The following RHBDD2 variants were observed in gnomAD, a reference collection of about 807,000 sequenced individuals.
RHBDD2 encodes the protein rhomboid domain containing 2.
A neutral mutation model predicts 21.7 loss-of-function variants in RHBDD2; 13 were observed. The observed-to-expected ratio is 0.60, with a 90% CI of 0.39 to 0.95. RHBDD2 has a LOEUF of 0.95. Ranked by LOEUF, RHBDD2 falls within the 40% of genes least tolerant of loss-of-function variation. The pLI, the probability that RHBDD2 is intolerant of heterozygous loss-of-function variation, is 0.00. For missense variants in RHBDD2, 473 were observed against 478.9 expected, an observed-to-expected ratio of 0.99 and a Z score of 0.11; for synonymous variants, 225 against 220.0, an observed-to-expected ratio of 1.02 and a Z score of -0.20.
At chr7:75,886,060 G>A (rs1805645641) in intron 3 of RHBDD2, among the ~76,000 whole-genome samples, 1 of 152,206 alleles carries the variant, frequency 6.6e-6, no homozygotes, top group South Asian at 2.1e-4. Flanking sequence ...ATGATTTGGA[G>A]CAGAGGAAAC....
At chr7:75,879,377 C>G (rs781834383) in intron 1 of RHBDD2, 117 bp downstream of exon 1, 3 of 1,016,398 alleles carry the variant, frequency 3.0e-6, no homozygotes, top group South Asian at 3.8e-5. Context: ...CTCCCCCTGT[C>G]TCGGTCCTCA....
At chr7:75,881,158 CTT>C (rs1463753202) in intron 1 of RHBDD2, among the ~76,000 whole-genome samples, 1 of 152,124 alleles carries the variant, frequency 6.6e-6, no homozygotes, top group Admixed American at 6.6e-5. Context: ...CGTAGCAAGA[CTT>C]TGTCTCTACA....
At chr7:75,879,471 C>G (rs533106435) in intron 1 of RHBDD2, among the ~76,000 whole-genome samples, 10 of 152,236 alleles carry the variant, frequency 6.6e-5, no homozygotes, top group Non-Finnish European at 1.5e-4. Context: ...CAGACCCCAT[C>G]TTCGTCATCA....
At chr7:75,879,290 C>T (rs946159587) in intron 1 of RHBDD2, 30 bp downstream of exon 1, 7 of 1,446,014 alleles carry the variant, frequency 4.8e-6, no homozygotes, top group African/African-American at 1.5e-5. Context: ...GATCGCGGGG[C>T]GAGTCCTTGT....
In RHBDD2 at chr7:75,879,093, C is replaced by G; in HGVS notation, c.11C>G (p.Ser4Trp). The G allele has an allele frequency of 7.3e-7, 1 of 1,361,544 alleles. No homozygotes were observed. The allele number at this position is 1,361,544 out of a possible 1,614,324, so 84.3% of individuals were successfully genotyped here. Reference protein sequence around the residue: MAASGPGCRSWCLC... With the variant: MAAWGPGCRSWCLC... Reference sequence around the variant, plus strand: ...GGAACGACGGCGGCCATGGCGGCCTCGGGGCCCGGGTGTCGCAGCTGGTGC... The same window carrying G: ...GGAACGACGGCGGCCATGGCGGCCTGGGGGCCCGGGTGTCGCAGCTGGTGC... Residue 4 changes from serine to tryptophan, a missense_variant, in exon 1 of 4, where the codon TCG becomes TGG. By Grantham distance (177) the Ser-to-Trp change is radical. Transcript: ENST00000006777.
chr7:75,885,070 C>T (rs1274735676), intron 3 of RHBDD2, among the ~76,000 whole-genome samples: 7 of 149,578 alleles, frequency 4.7e-5, no homozygotes, highest in African/African-American at 1.7e-4. Context: ...ACCGAGATCA[C>T]ACCACAGCAC....
intron 3 of RHBDD2, among the ~76,000 whole-genome samples, chr7:75,887,631 G>A (rs1035055331): frequency 9.9e-5 from 15 of 152,086 alleles, no homozygotes; most frequent in East Asian, 3.9e-4. Flanking sequence ...GCCTGAATCC[G>A]TTCTCTTTGG....
At chr7:75,882,730 TC>T (rs1163431186) in intron 2 of RHBDD2, among the ~76,000 whole-genome samples, 1 of 152,208 alleles carries the variant, frequency 6.6e-6, no homozygotes, top group Non-Finnish European at 1.5e-5. Flanking sequence ...TTTGTTGTTT[TC>T]CTTTAAAAAA....
Position 75,879,994 on chromosome 7 carries a change from C to T in RHBDD2, c.178+734C>T, listed in dbSNP as rs150857073. Among the ~76,000 whole-genome samples, 273 of 152,316 alleles carry T rather than the reference C, an allele frequency of 1.8e-3. 5 individuals are homozygous for T. Among genetic ancestry groups the T allele is most frequent in the East Asian group, 1.3e-3 (7 of 5,194 alleles). On this transcript the variant is annotated intron_variant, in intron 1 of 3. Coordinates refer to ENST00000006777, the MANE Select transcript of RHBDD2 (RefSeq NM_001040456.3). Reference sequence around the variant, plus strand: ...CCTGCTGTTTTGCAAAGCACACACACTGATATGTATTAATTTCGTTTAACC... The same window carrying T: ...CCTGCTGTTTTGCAAAGCACACACATTGATATGTATTAATTTCGTTTAACC...
chr7:75,888,348 G>C lies in RHBDD2; in HGVS notation c.1094G>C (p.Ter365SerextTer4). The change falls in exon 4 of 4, where the codon TGA becomes TCA. Residue 365 changes from the stop codon to serine, a stop_lost. Transcript: ENST00000006777. ...SKESSRVPMP[*>S] is the part of the protein sequence containing the mutation. ...GAGTCCTCCAGGGTCCCCATGCCCTGAGAGAATTTCTAGGGAAGTCATCTC... is the reference window on the plus strand; with the variant it reads ...GAGTCCTCCAGGGTCCCCATGCCCTCAGAGAATTTCTAGGGAAGTCATCTC... The C allele has an allele frequency of 6.2e-7, 1 of 1,605,718 alleles. No homozygotes were observed. Among genetic ancestry groups the C allele is most frequent in the South Asian group, 1.1e-5 (1 of 90,900 alleles).
intron 3 of RHBDD2, 29 bp downstream of exon 3, chr7:75,883,877 A>T: frequency 6.4e-7 from 1 of 1,560,160 alleles, no homozygotes; most frequent in Non-Finnish European, 8.6e-7. Flanking sequence ...AAGTGCTGTT[A>T]AATCTTTTTT....
intron 1 of RHBDD2, among the ~76,000 whole-genome samples, chr7:75,881,162 G>A (rs782134477): frequency 1.1e-4 from 16 of 152,076 alleles, no homozygotes; most frequent in Middle Eastern, 3.2e-3. Context: ...GCAAGACTTT[G>A]TCTCTACAAA....
At chr7:75,883,922 T>G in intron 3 of RHBDD2, 74 bp downstream of exon 3, 1 of 1,258,450 alleles carries the variant, frequency 7.9e-7, no homozygotes, top group Non-Finnish European at 1.1e-6. Flanking sequence ...TGAGACGGAG[T>G]CTCACTCTGT....
rs541683014 is a variant in RHBDD2, at chr7:75,888,873, T to C, written c.*524T>C. 1.2e-5 allele frequency: 2 copies of C among 161,106 alleles called. No individual in the cohort carries two copies. The highest frequency in any genetic ancestry group is 1.9e-4 in the East Asian group (1 of 5,396). The allele number at this position is 161,106 out of a possible 1,614,324, so 10.0% of individuals were successfully genotyped here. On this transcript the variant is annotated 3_prime_UTR_variant, in exon 4 of 4. Coordinates refer to ENST00000006777, the MANE Select transcript of RHBDD2 (RefSeq NM_001040456.3). ...TGGGCCCCCATGAACTGCAGCAGCA[T>C]GCTGAGGTGTCCATGTTGTCTGCCT...
At chr7:75,885,271 T>C (rs1805593094) in intron 3 of RHBDD2, among the ~76,000 whole-genome samples, 1 of 152,176 alleles carries the variant, frequency 6.6e-6, no homozygotes, top group South Asian at 2.1e-4. Flanking sequence ...AGAGCTTGTG[T>C]GGCCTGGCTG....
intron 3 of RHBDD2, among the ~76,000 whole-genome samples, chr7:75,886,126 A>T (rs1392730113): frequency 6.6e-6 from 1 of 152,166 alleles, no homozygotes. Context: ...TTGGCCCGCC[A>T]CCAGCTGTGG....
At chr7:75,881,534 A>T in intron 1 of RHBDD2, 1 of 1,359,370 alleles carries the variant, frequency 7.4e-7, no homozygotes, top group Middle Eastern at 1.9e-4. Flanking sequence ...CACTTTACAA[A>T]TTCAGAGACT....
chr7:75,881,277 A>G lies in RHBDD2; in HGVS notation c.179-552A>G. On this transcript the variant is annotated intron_variant, in intron 1 of 3. Coordinates refer to ENST00000006777, the MANE Select transcript of RHBDD2 (RefSeq NM_001040456.3). Reference sequence around the variant, plus strand: ...TAAGCACTTTCTGAGGAGACTTATAATTTCTATAATCTTTATTGTTAATGA... The same window carrying G: ...TAAGCACTTTCTGAGGAGACTTATAGTTTCTATAATCTTTATTGTTAATGA... 2.6e-6 allele frequency: 3 copies of G among 1,158,084 alleles called. No individual in the cohort carries two copies. The South Asian group carries it at 3.8e-5, about 15-fold the overall frequency. 71.7% of individuals were successfully genotyped at this position (1,158,084 alleles called of 1,614,324 possible). A position where few individuals can be genotyped will look rare whatever the true frequency, so the allele number is the denominator to read the frequency against.
chr7:75,881,455 AC>A, intron 1 of RHBDD2: 3 of 1,300,098 alleles, frequency 2.3e-6, no homozygotes, highest in Non-Finnish European at 3.0e-6. Context: ...CGAAGCTGTT[AC>A]ACTTAATTAA....
Sources: allele counts gnomAD v4.1 joint callset (sites outside exome capture counted in the v4.1 genomes callset), GRCh38; gene constraint gnomAD v4.1.1; transcripts MANE v1.5; gene names NCBI Gene and HGNC (gene_info 2026-07-23, HGNC 2026-07-21).